The following MAD1L1 variants were observed in gnomAD, a reference collection of about 807,000 sequenced individuals.
MAD1L1 encodes mitotic spindle assembly checkpoint protein MAD1.
Under a neutral mutation model 96.9 loss-of-function variants are expected in MAD1L1, and 95 were observed. The observed-to-expected ratio is 0.98, with a 90% confidence interval of 0.83 to 1.16. The LOEUF (loss-of-function observed/expected upper bound fraction) is 1.16, where lower values mean the gene tolerates loss of function less well. Among genes scored for constraint, MAD1L1 ranks in the 50% most tolerant of loss-of-function variants. The probability of loss-of-function intolerance (pLI) is 0.00; values close to 1 mark genes in which losing one functional copy is unlikely to be tolerated. For synonymous variants in MAD1L1, 473 were observed against 396.6 expected, an observed-to-expected ratio of 1.19 and a Z score of -2.29; for missense variants, 1,007 against 954.4, an observed-to-expected ratio of 1.06 and a Z score of -0.73.
intron 11 of MAD1L1, among the ~76,000 whole-genome samples, chr7:2,072,916 C>T (rs1385869526): frequency 1.3e-5 from 2 of 152,244 alleles, no homozygotes; most frequent in Non-Finnish European, 2.9e-5. Flanking sequence ...GTCCCCCCGC[C>T]ACGCAGAGCA....
intron 17 of MAD1L1, among the ~76,000 whole-genome samples, chr7:1,913,592 G>A (rs1334825612): frequency 6.6e-6 from 1 of 152,142 alleles, no homozygotes; most frequent in Non-Finnish European, 1.5e-5. Context: ...ACCTCGCAGG[G>A]GCTCTGGCTC....
At chr7:2,209,055 T>C (rs1637735) in intron 10 of MAD1L1, among the ~76,000 whole-genome samples, 86,433 of 152,096 alleles carry the variant, frequency 0.57, 25,058 homozygotes, top group East Asian at 0.81. Context: ...ACGCACTGTG[T>C]CCCTCCTTGC....
In MAD1L1 at chr7:2,024,108, T is replaced by TA. The variant is rs747660701; in HGVS notation, c.1219-9467dup. Among the ~76,000 whole-genome samples, 282 of 140,572 alleles carry TA rather than the reference T, an allele frequency of 2.0e-3. No homozygotes were observed. In the Middle Eastern group the frequency reaches 0.021, roughly 11 times the overall value. The allele number at this position is 140,572 out of a possible 152,430, so 92.2% of individuals were successfully genotyped here. Reference sequence around the variant, plus strand: ...AATCTGTAGCCAGGTTAACCAACATTAAAAAAAAAAAATAAAAAAAAGGAA... The same window carrying TA: ...AATCTGTAGCCAGGTTAACCAACATTAAAAAAAAAAAAATAAAAAAAAGGAA... On this transcript the variant is annotated intron_variant, in intron 12 of 18. Transcript: ENST00000265854.
chr7:2,201,607 A>G (rs910427208), intron 10 of MAD1L1, among the ~76,000 whole-genome samples: 3 of 152,340 alleles, frequency 2.0e-5, no homozygotes, highest in South Asian at 2.1e-4. Flanking sequence ...AAAGAGACCT[A>G]TAAGTAGAAG....
chr7:2,025,365 G>C (rs1343856802), intron 12 of MAD1L1, among the ~76,000 whole-genome samples: 1 of 152,202 alleles, frequency 6.6e-6, no homozygotes, highest in East Asian at 1.9e-4. Flanking sequence ...ACCAATGGGA[G>C]TCAAAAGACA....
chr7:2,177,638 A>G (rs1791007960), intron 10 of MAD1L1, among the ~76,000 whole-genome samples: 1 of 152,236 alleles, frequency 6.6e-6, no homozygotes, highest in Admixed American at 6.5e-5. Flanking sequence ...ATTACTATTA[A>G]AACCACATCA....
At position 2,126,819 on chromosome 7, in the gene MAD1L1, A is replaced by T. The variant is rs957419251; in HGVS notation, c.1073+22333T>A. ...CTCCGCCAGGCAGGTGCTCACTGAC[A>T]CTGTCCCCATGGGTCGGGCTTCATT... is the stretch of plus-strand genomic sequence containing the variant. On this transcript the variant is annotated intron_variant, in intron 11 of 18. Coordinates refer to ENST00000265854, the MANE Select transcript of MAD1L1 (RefSeq NM_001013836.2). Among the ~76,000 whole-genome samples the T allele has an allele frequency of 5.3e-5, 8 of 152,320 alleles. No individual in the cohort carries two copies. The East Asian group carries it at 9.6e-4, about 18-fold the overall frequency.
intron 11 of MAD1L1, among the ~76,000 whole-genome samples, chr7:2,125,191 G>A (rs1483562708): frequency 6.6e-6 from 1 of 152,184 alleles, no homozygotes; most frequent in Non-Finnish European, 1.5e-5. Context: ...CAGCAGCAGG[G>A]CAAGTCACCG....
At chr7:2,041,663 C>T (rs188367704) in intron 12 of MAD1L1, among the ~76,000 whole-genome samples, 57 of 152,332 alleles carry the variant, frequency 3.7e-4, no homozygotes, top group Non-Finnish European at 7.3e-4. Context: ...ACATGGGTCA[C>T]GACTGACGCT....
chr7:2,184,925 C>T (rs1278968831), intron 10 of MAD1L1, among the ~76,000 whole-genome samples: 1 of 152,134 alleles, frequency 6.6e-6, no homozygotes, highest in Non-Finnish European at 1.5e-5. Context: ...TCACTCGAAC[C>T]CAGGAGGCGG....
At chr7:1,907,938 C>A (rs1787772235) in intron 17 of MAD1L1, among the ~76,000 whole-genome samples, 1 of 152,222 alleles carries the variant, frequency 6.6e-6, no homozygotes, top group South Asian at 2.1e-4. Context: ...ACCGCCCTGG[C>A]CCCTGCAGTG....
chr7:2,144,538 C>A (rs1162754390), intron 11 of MAD1L1, among the ~76,000 whole-genome samples: 1 of 152,196 alleles, frequency 6.6e-6, no homozygotes, highest in Non-Finnish European at 1.5e-5. Flanking sequence ...CTATTCCCCC[C>A]CAGATCTGAA....
At chr7:2,054,658 G>A (rs768164256) in intron 12 of MAD1L1, among the ~76,000 whole-genome samples, 2 of 152,214 alleles carry the variant, frequency 1.3e-5, no homozygotes, top group Non-Finnish European at 2.9e-5. Flanking sequence ...TTCCAAAGCC[G>A]AGAGAACCCT....
chr7:1,958,586 G>T (rs1486122667), intron 15 of MAD1L1, among the ~76,000 whole-genome samples: 1 of 152,082 alleles, frequency 6.6e-6, no homozygotes, highest in Non-Finnish European at 1.5e-5. Context: ...TCTGAAAAAA[G>T]ATCAAGAAGA....
chr7:1,918,480 C>G (rs925486976), intron 17 of MAD1L1, among the ~76,000 whole-genome samples: 4 of 152,154 alleles, frequency 2.6e-5, no homozygotes, highest in Non-Finnish European at 4.4e-5. Context: ...CCAGGAGCTC[C>G]GAGGCCCAGG....
chr7:2,141,622 G>A (rs774547512), intron 11 of MAD1L1, among the ~76,000 whole-genome samples: 3 of 152,142 alleles, frequency 2.0e-5, no homozygotes, highest in Non-Finnish European at 4.4e-5. Flanking sequence ...TCCATGCCAT[G>A]CCCCCCTTCT....
At chr7:2,230,261 C>T (rs1189994197) in intron 2 of MAD1L1, 118 bp from the exon 3 acceptor site, 2 of 692,180 alleles carry the variant, frequency 2.9e-6, no homozygotes, top group Non-Finnish European at 2.4e-6. Flanking sequence ...GCTCATAATA[C>T]ACCCATGCCT....
chr7:2,134,000 T>C (rs1788639005), intron 11 of MAD1L1, among the ~76,000 whole-genome samples: 1 of 152,264 alleles, frequency 6.6e-6, no homozygotes, highest in African/African-American at 2.4e-5. Flanking sequence ...ACTGGTGTTG[T>C]GCTGGCCATT....
At chr7:1,945,564 G>A (rs12699492) in intron 16 of MAD1L1, among the ~76,000 whole-genome samples, 130,842 of 152,114 alleles carry the variant, frequency 0.86, 57,594 homozygotes, top group Non-Finnish European at 0.96. Flanking sequence ...GAGAGGTGCT[G>A]CTGCTGCTGG....
Sources: allele counts gnomAD v4.1 joint callset (sites outside exome capture counted in the v4.1 genomes callset), GRCh38; gene constraint gnomAD v4.1.1; transcripts MANE v1.5; gene names NCBI Gene and HGNC (gene_info 2026-07-23, HGNC 2026-07-21).